Variants in WDR70 observed in about 807,000 individuals in gnomAD.
The protein encoded by WDR70 is WD repeat-containing protein 70.
A neutral mutation model predicts 88.6 loss-of-function variants in WDR70; 53 were observed. The ratio of observed to expected loss-of-function variants is 0.60; its 90% confidence interval spans 0.48 to 0.75. WDR70 has a LOEUF of 0.75. Ranked by LOEUF, WDR70 falls within the 30% of genes least tolerant of loss-of-function variation. WDR70 has a pLI of 0.00. For synonymous variants in WDR70, 280 were observed against 270.0 expected (o/e 1.04, Z -0.36); for missense variants, 610 against 823.2 (o/e 0.74, Z 3.17).
intron 17 of WDR70, among the ~76,000 whole-genome samples, chr5:37,751,528 G>A (rs2112751127): frequency 6.6e-6 from 1 of 152,318 alleles, no homozygotes; most frequent in Admixed American, 6.5e-5. Context: ...TAAAAAAGCA[G>A]CAAGAGGGAA....
At chr5:37,687,680 C>T (rs1355864883) in intron 10 of WDR70, among the ~76,000 whole-genome samples, 1 of 152,026 alleles carries the variant, frequency 6.6e-6, no homozygotes, top group Non-Finnish European at 1.5e-5. Flanking sequence ...TAGTCAAAAT[C>T]CCATATTCTC....
chr5:37,396,341 C>A, intron 4 of WDR70, 34 bp from the exon 5 acceptor site: 1 of 1,555,884 alleles, frequency 6.4e-7, no homozygotes, highest in South Asian at 1.3e-5. Flanking sequence ...TTCATTGCAG[C>A]AGAGGCAAAG....
rs147436961 is a variant in WDR70, at chr5:37,605,238, T to C, written c.1092T>C (p.Thr364=). Reference sequence around the variant, plus strand: ...TACAGATCTGGGACCGAAATTTGACTGTAAGTTAAATCTTTTCTTAGAACA... The same window carrying C: ...TACAGATCTGGGACCGAAATTTGACCGTAAGTTAAATCTTTTCTTAGAACA... ...GSIQIWDRNL[T]VHPKFHYKQA... Residue 364 remains threonine (T), a splice_region_variant and synonymous_variant, in exon 10 of 18, where the codon ACT becomes ACC. Coordinates refer to ENST00000265107, the MANE Select transcript of WDR70 (RefSeq NM_018034.4). 436 of 1,591,664 alleles carry C rather than the reference T, an allele frequency of 2.7e-4. No homozygotes were observed. The highest frequency in any genetic ancestry group is 3.6e-4 in the Non-Finnish European group (416 of 1,169,616).
intron 10 of WDR70, among the ~76,000 whole-genome samples, chr5:37,621,912 G>A (rs987061453): frequency 1.3e-4 from 20 of 152,252 alleles, no homozygotes; most frequent in African/African-American, 4.6e-4. Context: ...TGTATAAGGT[G>A]TAAGGAAGGG....
chr5:37,447,128 G>T lies in WDR70; in HGVS notation c.686+3756G>T, dbSNP rs1338459561. ...CAACCCCATCAAAAAGTGGGTGAAGGATATGAACAGACACTTCTCAAAAGA... is the reference window on the plus strand; with the variant it reads ...CAACCCCATCAAAAAGTGGGTGAAGTATATGAACAGACACTTCTCAAAAGA... On this transcript the variant is annotated intron_variant, in intron 7 of 17. Transcript: ENST00000265107. Among the ~76,000 whole-genome samples the T allele has an allele frequency of 2.6e-5, 4 of 152,148 alleles. No individual in the cohort carries two copies. The South Asian group carries it at 8.3e-4, about 32-fold the overall frequency.
At chr5:37,724,773 GC>G in intron 15 of WDR70, 160 bp from the exon 16 acceptor site, 1 of 697,722 alleles carries the variant, frequency 1.4e-6, no homozygotes, top group Non-Finnish European at 2.4e-6. Flanking sequence ...CTGGTCTCAA[GC>G]AAAATTGGCT....
chr5:37,641,200 A>G (rs1745093360), intron 10 of WDR70, among the ~76,000 whole-genome samples: 1 of 150,350 alleles, frequency 6.7e-6, no homozygotes, highest in African/African-American at 2.5e-5. Context: ...ACTGCAACCC[A>G]CCCCTTCTGG....
At chr5:37,390,174 A>AG (rs1303336623) in intron 3 of WDR70, among the ~76,000 whole-genome samples, 1 of 152,012 alleles carries the variant, frequency 6.6e-6, no homozygotes, top group Non-Finnish European at 1.5e-5. Context: ...AGATTATCAG[A>AG]GGGAAAAAAG....
At chr5:37,736,260 G>A (rs184990650) in intron 17 of WDR70, among the ~76,000 whole-genome samples, 40 of 152,272 alleles carry the variant, frequency 2.6e-4, no homozygotes, top group African/African-American at 9.4e-4. Context: ...TTGCCAGATA[G>A]GCTGCCATTA....
At chr5:37,422,294 C>A (rs1359936759) in intron 5 of WDR70, among the ~76,000 whole-genome samples, 1 of 145,786 alleles carries the variant, frequency 6.9e-6, no homozygotes, top group Non-Finnish European at 1.5e-5. Context: ...TTCCTTTTTT[C>A]TTTTTTTTTT....
intron 7 of WDR70, among the ~76,000 whole-genome samples, chr5:37,459,622 G>A (rs1738937480): frequency 3.0e-5 from 1 of 33,606 alleles, no homozygotes; most frequent in African/African-American, 7.9e-5. Context: ...TCAGGACATA[G>A]GCGTGGGCAA....
At chr5:37,687,647 C>T (rs1389066381) in intron 10 of WDR70, among the ~76,000 whole-genome samples, 2 of 152,130 alleles carry the variant, frequency 1.3e-5, no homozygotes, top group Non-Finnish European at 2.9e-5. Flanking sequence ...TCTCCTCATA[C>T]TACAGCAAGA....
At chr5:37,512,583 A>ATTT (rs34462724) in intron 8 of WDR70, among the ~76,000 whole-genome samples, 1 of 141,872 alleles carries the variant, frequency 7.0e-6, no homozygotes, top group African/African-American at 2.6e-5. Context: ...TGCATCTAGA[A>ATTT]TTTTTTTTTT....
At position 37,516,533 on chromosome 5, in the gene WDR70, A is replaced by G. The variant is rs1245440173; in HGVS notation, c.860A>G (p.His287Arg). 2 of 1,603,854 alleles carry G rather than the reference A, an allele frequency of 1.2e-6. No homozygotes were observed. The highest frequency in any genetic ancestry group is 1.7e-6 in the Non-Finnish European group (2 of 1,173,376). ...TTTAAGGGTCATACAGCAATGCTTC[A>G]TACTGGCTCATGGCATCCCAAAATA... is the stretch of plus-strand genomic sequence containing the variant. ...ANTKGHTAMLHTGSWHPKIKG... is the reference protein window; with the variant it reads ...ANTKGHTAMLRTGSWHPKIKG... The change falls in exon 9 of 18, where the codon CAT becomes CGT. Residue 287 changes from histidine to arginine, a missense_variant. Physicochemically the swap from His to Arg is conservative, Grantham distance 29. This residue lies in a region of WDR70 where 83 missense variants were observed against 155.3 expected (regional missense o/e 0.53). Transcript: ENST00000265107.
intron 9 of WDR70, among the ~76,000 whole-genome samples, chr5:37,603,093 A>C (rs557159950): frequency 2.0e-5 from 3 of 152,174 alleles, no homozygotes; most frequent in Non-Finnish European, 4.4e-5. Flanking sequence ...TACAAATTCA[A>C]TGCAATCCCT....
At chr5:37,397,096 G>A (rs1749038922) in intron 5 of WDR70, among the ~76,000 whole-genome samples, 2 of 151,868 alleles carry the variant, frequency 1.3e-5, no homozygotes, top group Middle Eastern at 6.8e-3. Flanking sequence ...GAGGTCGACA[G>A]ATGGCACTCC....
intron 10 of WDR70, among the ~76,000 whole-genome samples, chr5:37,631,467 T>C (rs772443011): frequency 6.6e-6 from 1 of 152,210 alleles, no homozygotes; most frequent in Non-Finnish European, 1.5e-5. Flanking sequence ...ATTATTTTAA[T>C]AACTGCTAAC....
rs1188994412 is a variant in WDR70, at chr5:37,566,940, T to A, written c.918-38124T>A. 2.6e-5 allele frequency among the ~76,000 whole-genome samples: 4 copies of A among 152,266 alleles called. No homozygotes were observed. In the East Asian group the frequency reaches 7.7e-4, roughly 29 times the overall value. Reference sequence around the variant, plus strand: ...TTATTAGATTTCTGGGAGAAAGACATGTCTAAGGAAAATCACTATAAGGCT... The same window carrying A: ...TTATTAGATTTCTGGGAGAAAGACAAGTCTAAGGAAAATCACTATAAGGCT... On this transcript the variant is annotated intron_variant, in intron 9 of 17. Transcript: ENST00000265107.
intron 10 of WDR70, among the ~76,000 whole-genome samples, chr5:37,627,189 G>A (rs556726799): frequency 2.0e-5 from 3 of 152,036 alleles, no homozygotes; most frequent in Admixed American, 2.0e-4. Flanking sequence ...CCTGAGCTCA[G>A]GTGATCATCC....
Sources: allele counts gnomAD v4.1 joint callset (sites outside exome capture counted in the v4.1 genomes callset), GRCh38; gene constraint gnomAD v4.1.1; regional missense constraint gnomAD v4.1.1; transcripts MANE v1.5; gene names NCBI Gene and HGNC (gene_info 2026-07-23, HGNC 2026-07-21).